Variants in ABCA10 observed in about 807,000 individuals in gnomAD.
The protein encoded by ABCA10 is ATP-binding cassette sub-family A member 10.
In ABCA10, 169 loss-of-function variants were observed where a neutral mutation model predicts 187.5. The ratio of observed to expected loss-of-function variants is 0.90; its 90% CI spans 0.80 to 1.02. The LOEUF (loss-of-function observed/expected upper bound fraction) is 1.02. Ranked by LOEUF, ABCA10 falls within the 50% of genes least tolerant of loss-of-function variation. ABCA10 has a pLI of 0.00. For missense variants in ABCA10, 1,727 were observed against 1,812.4 expected (o/e 0.95, Z 0.86); for synonymous variants, 574 against 601.8 (o/e 0.95, Z 0.68).
chr17:69,242,925 T>TA (rs2074914023), intron 1 of ABCA10, among the ~76,000 whole-genome samples: 1 of 152,176 alleles, frequency 6.6e-6, no homozygotes, highest in African/African-American at 2.4e-5. Flanking sequence ...ACTCACAACT[T>TA]AAAGCTCAAA....
At chr17:69,214,056 G>C (rs757427130) in intron 9 of ABCA10, among the ~76,000 whole-genome samples, 2 of 152,158 alleles carry the variant, frequency 1.3e-5, no homozygotes, top group Non-Finnish European at 2.9e-5. Context: ...TTTTACATAA[G>C]TGAGTTCAAT....
At chr17:69,217,445 A>G (rs369477505) in intron 6 of ABCA10, among the ~76,000 whole-genome samples, 2 of 152,304 alleles carry the variant, frequency 1.3e-5, no homozygotes, top group East Asian at 3.9e-4. Context: ...ATGCTCACAC[A>G]AAAACCTGTA....
chr17:69,173,674 TCTTA>T (rs957102271), intron 25 of ABCA10, among the ~76,000 whole-genome samples: 5 of 152,272 alleles, frequency 3.3e-5, no homozygotes, highest in African/African-American at 1.2e-4. Flanking sequence ...TTTAAGTGAA[TCTTA>T]CTTAACAAAA....
At chr17:69,210,203 G>C (rs2074629992) in intron 9 of ABCA10, among the ~76,000 whole-genome samples, 1 of 67,628 alleles carries the variant, frequency 1.5e-5, no homozygotes, top group African/African-American at 8.7e-5. Context: ...TTTTTTTTGA[G>C]ACGGAGTCTC....
chr17:69,205,175 AAT>A (rs2074582184), intron 9 of ABCA10, among the ~76,000 whole-genome samples: 1 of 152,170 alleles, frequency 6.6e-6, no homozygotes, highest in Non-Finnish European at 1.5e-5. Context: ...ATTATACCCA[AAT>A]AAAGGTAAGT....
upstream of ABCA10, among the ~76,000 whole-genome samples, chr17:69,231,807 TATA>T (rs1381632336): frequency 3.5e-4 from 53 of 149,914 alleles, no homozygotes; most frequent in Middle Eastern, 3.4e-3. Context: ...GTGGTTTAAT[TATA>T]ATGTTTCTTT....
intron 22 of ABCA10, among the ~76,000 whole-genome samples, chr17:69,177,971 A>ATATATGTATATATATATATATGTTAT (rs1480621345): frequency 1.8e-5 from 1 of 56,952 alleles, no homozygotes; most frequent in Non-Finnish European, 4.2e-5. Flanking sequence ...AAAAAAAAAA[A>ATATATGTATATATATATATATGTTAT]AAATATATAT....
chr17:69,175,577 A>G, intron 22 of ABCA10, 64 bp from the exon 23 acceptor site: 1 of 1,265,072 alleles, frequency 7.9e-7, no homozygotes, highest in Non-Finnish European at 1.1e-6. Context: ...ACATTATAAG[A>G]TACGTTTCCA....
At chr17:69,200,517 T>C (rs1256528324) in intron 10 of ABCA10, among the ~76,000 whole-genome samples, 1 of 152,218 alleles carries the variant, frequency 6.6e-6, no homozygotes, top group African/African-American at 2.4e-5. Flanking sequence ...TAGGGAAGTA[T>C]GCACTAAATT....
intron 10 of ABCA10, among the ~76,000 whole-genome samples, chr17:69,198,648 G>A (rs1300519757): frequency 6.6e-6 from 1 of 152,126 alleles, no homozygotes; most frequent in Admixed American, 6.5e-5. Context: ...GCTATTTCCT[G>A]ACTTTCTGGT....
rs1239442821 is a variant in ABCA10, at chr17:69,191,330, G to A, written c.1872-15C>T. ...TCCTGTGTAAACTATTATTTCAAAA[G>A]AGCCATAAGTCTCTTGAATTCTTTT... On this transcript the variant is annotated splice_polypyrimidine_tract_variant and intron_variant, in intron 16 of 38. Coordinates refer to ENST00000690296, the MANE Select transcript of ABCA10 (RefSeq NM_001377321.1). 6.6e-7 allele frequency: 1 copy of A among 1,522,860 alleles called. No individual in the cohort carries two copies. Among genetic ancestry groups the A allele is most frequent in the Non-Finnish European group, 8.9e-7 (1 of 1,129,566 alleles). The allele number at this position is 1,522,860 out of a possible 1,614,324, so 94.3% of individuals were successfully genotyped here.
At chr17:69,242,945 T>G (rs994347949) in intron 1 of ABCA10, among the ~76,000 whole-genome samples, 5 of 152,264 alleles carry the variant, frequency 3.3e-5, no homozygotes, top group African/African-American at 1.2e-4. Context: ...AAATCAAAGT[T>G]TGAACATAAA....
intron 25 of ABCA10, among the ~76,000 whole-genome samples, chr17:69,173,651 T>A (rs2144778371): frequency 6.6e-6 from 1 of 152,158 alleles, no homozygotes; most frequent in African/African-American, 2.4e-5. Context: ...ACCTTTTAGA[T>A]TTTTTTTAGT....
At chr17:69,198,137 C>T (rs2074519543) in intron 10 of ABCA10, among the ~76,000 whole-genome samples, 1 of 152,150 alleles carries the variant, frequency 6.6e-6, no homozygotes, top group Admixed American at 6.5e-5. Flanking sequence ...AAAATTATTA[C>T]AATTTAACTT....
At chr17:69,155,284 C>A (rs2074165223) in intron 29 of ABCA10, 148 bp from the exon 30 acceptor site, 7 of 588,924 alleles carry the variant, frequency 1.2e-5, no homozygotes, top group African/African-American at 5.6e-5. Context: ...ATAAAATACC[C>A]AAATGTATGT....
At chr17:69,181,307 G>A (rs1301652872) in intron 22 of ABCA10, among the ~76,000 whole-genome samples, 5 of 152,144 alleles carry the variant, frequency 3.3e-5, no homozygotes, top group African/African-American at 7.2e-5. Context: ...TCCATTCACT[G>A]ATTTAAGTAA....
At chr17:69,174,054 CAG>C (rs2074315391) in intron 25 of ABCA10, among the ~76,000 whole-genome samples, 1 of 151,544 alleles carries the variant, frequency 6.6e-6, no homozygotes, top group African/African-American at 2.4e-5. Context: ...TCCAAAGAAA[CAG>C]AGTTCTAAAA....
chr17:69,159,081 T>C (rs919240005), intron 27 of ABCA10, among the ~76,000 whole-genome samples: 1 of 151,866 alleles, frequency 6.6e-6, no homozygotes, highest in African/African-American at 2.4e-5. Context: ...GCAAAAATTA[T>C]AAAACAGGAA....
chr17:69,189,967 A>T (rs941449341), intron 18 of ABCA10, among the ~76,000 whole-genome samples: 1 of 152,166 alleles, frequency 6.6e-6, no homozygotes, highest in Non-Finnish European at 1.5e-5. Context: ...TTATTAATAC[A>T]TTAATTAGAA....
Sources: gnomAD v4.1 joint callset for allele counts (sites outside exome capture counted in the v4.1 genomes callset) on GRCh38, gnomAD v4.1.1 for gene constraint, MANE v1.5 for transcripts, NCBI Gene and HGNC (gene_info 2026-07-23, HGNC 2026-07-21) for gene names.